Variants in DIAPH3 observed in about 807,000 individuals in gnomAD.
DIAPH3 encodes the protein protein diaphanous homolog 3.
A neutral mutation model predicts 144.3 loss-of-function variants in DIAPH3; 117 were observed. The observed-to-expected ratio is 0.81, with a 90% confidence interval of 0.70 to 0.95. DIAPH3 has a LOEUF of 0.95. Among genes scored for constraint, DIAPH3 ranks in the 40% least tolerant of loss-of-function variants. The probability of loss-of-function intolerance (pLI) is 0.00; values close to 1 mark genes in which losing one functional copy is unlikely to be tolerated. For missense variants in DIAPH3, 1,421 were observed against 1,412.7 expected (o/e 1.01, Z -0.09); for synonymous variants, 519 against 488.9 (o/e 1.06, Z -0.81).
At chr13:59,669,970 T>C (rs1197126684) in intron 27 of DIAPH3, among the ~76,000 whole-genome samples, 1 of 152,176 alleles carries the variant, frequency 6.6e-6, no homozygotes, top group Non-Finnish European at 1.5e-5. Context: ...TTGAATGTCT[T>C]AGTACTCCTT....
chr13:59,813,614 C>A (rs1271904419), intron 24 of DIAPH3, among the ~76,000 whole-genome samples: 1 of 151,884 alleles, frequency 6.6e-6, no homozygotes, highest in Admixed American at 6.6e-5. Context: ...CCAGCACTTT[C>A]GGAGGCCAAG....
At chr13:60,090,116 T>C (rs1480810975) in intron 4 of DIAPH3, among the ~76,000 whole-genome samples, 1 of 152,128 alleles carries the variant, frequency 6.6e-6, no homozygotes, top group Non-Finnish European at 1.5e-5. Context: ...TCTGGATCCT[T>C]TCATGAGGGA....
chr13:59,702,612 T>C (rs2034172441), intron 27 of DIAPH3, among the ~76,000 whole-genome samples: 1 of 152,200 alleles, frequency 6.6e-6, no homozygotes, highest in African/African-American at 2.4e-5. Flanking sequence ...TTTATTTTCT[T>C]ATTAACAGCA....
intron 25 of DIAPH3, among the ~76,000 whole-genome samples, chr13:59,779,885 G>A (rs1448379082): frequency 6.6e-6 from 1 of 152,088 alleles, no homozygotes; most frequent in African/African-American, 2.4e-5. Flanking sequence ...GAAAAACTCT[G>A]ACTTGAAGTA....
chr13:60,010,132 G>A (rs1395672268), intron 8 of DIAPH3, among the ~76,000 whole-genome samples: 1 of 151,878 alleles, frequency 6.6e-6, no homozygotes, highest in Admixed American at 6.6e-5. Flanking sequence ...TTTCCAAATC[G>A]TAATATGTTT....
intron 22 of DIAPH3, among the ~76,000 whole-genome samples, chr13:59,846,587 G>C (rs1047383666): frequency 5.3e-5 from 8 of 151,816 alleles, no homozygotes; most frequent in Non-Finnish European, 8.8e-5. Flanking sequence ...GTATGGACAA[G>C]GTGGTCCAAA....
chr13:59,845,614 T>C (rs1298618601), intron 22 of DIAPH3, among the ~76,000 whole-genome samples: 1 of 152,188 alleles, frequency 6.6e-6, no homozygotes, highest in East Asian at 1.9e-4. Context: ...CCCCTGCCCA[T>C]ATCCCTCTTC....
intron 9 of DIAPH3, among the ~76,000 whole-genome samples, chr13:60,000,605 T>C (rs946861652): frequency 1.1e-4 from 16 of 152,264 alleles, no homozygotes; most frequent in African/African-American, 3.9e-4. Flanking sequence ...GAACCCTGAA[T>C]GAAATTAAGT....
intron 22 of DIAPH3, among the ~76,000 whole-genome samples, chr13:59,847,884 G>C (rs531242150): frequency 1.3e-5 from 2 of 152,086 alleles, no homozygotes; most frequent in Non-Finnish European, 2.9e-5. Context: ...TGGCCTATTT[G>C]GACATGTTTC....
intron 25 of DIAPH3, among the ~76,000 whole-genome samples, chr13:59,804,143 A>T (rs1293847201): frequency 1.3e-5 from 2 of 152,220 alleles, no homozygotes; most frequent in East Asian, 3.8e-4. Flanking sequence ...AACTATTCAG[A>T]ACATTGAAGA....
chr13:59,775,343 C>T (rs531516264), intron 25 of DIAPH3, among the ~76,000 whole-genome samples: 18 of 151,714 alleles, frequency 1.2e-4, no homozygotes, highest in Admixed American at 2.0e-4. Context: ...TCCAGGTTTA[C>T]GCCATCCTCC....
intron 5 of DIAPH3, among the ~76,000 whole-genome samples, chr13:60,040,226 C>CAAAAAAAAA (rs5803983): frequency 8.6e-5 from 3 of 34,836 alleles, no homozygotes; most frequent in Non-Finnish European, 1.4e-4. Context: ...GACTCCATCT[C>CAAAAAAAAA]AAAAAAAAAA....
chr13:59,723,877 T>A, intron 27 of DIAPH3, among the ~76,000 whole-genome samples: 1 of 149,130 alleles, frequency 6.7e-6, no homozygotes, highest in East Asian at 2.0e-4. Context: ...CCTCCCAAAG[T>A]GCTGGGATTA....
chr13:59,837,622 G>A (rs912348358), intron 23 of DIAPH3: 15 of 152,630 alleles, frequency 9.8e-5, no homozygotes, highest in African/African-American at 3.4e-4. Context: ...TGTCACATAT[G>A]AATATTTTAA....
At chr13:59,918,079 CA>C (rs1488762824) in intron 18 of DIAPH3, among the ~76,000 whole-genome samples, 1 of 150,706 alleles carries the variant, frequency 6.6e-6, no homozygotes, top group Non-Finnish European at 1.5e-5. Flanking sequence ...AAAATACCTT[CA>C]AAAGAGAGAA....
chr13:59,892,124 A>C (rs1333969847), intron 20 of DIAPH3, among the ~76,000 whole-genome samples: 1 of 152,006 alleles, frequency 6.6e-6, no homozygotes, highest in Admixed American at 6.6e-5. Flanking sequence ...ACAACAAACA[A>C]ATCAGATCAT....
chr13:60,163,886 G>C lies in DIAPH3; in HGVS notation c.-120C>G. Reference sequence around the variant, plus strand: ...GTCCGCCACCCAAACAGTCAGCACAGCCTAGCCCAACCGCTGAAGTCGGGG... The same window carrying C: ...GTCCGCCACCCAAACAGTCAGCACACCCTAGCCCAACCGCTGAAGTCGGGG... On this transcript the variant is annotated 5_prime_UTR_variant, in exon 1 of 28. Coordinates refer to ENST00000400324, the MANE Select transcript of DIAPH3 (RefSeq NM_001042517.2). 2 of 1,289,508 alleles carry C rather than the reference G, an allele frequency of 1.6e-6. No homozygotes were observed. Among genetic ancestry groups the C allele is most frequent in the Non-Finnish European group, 2.1e-6 (2 of 955,932 alleles). 79.9% of individuals were successfully genotyped at this position (1,289,508 alleles called of 1,614,324 possible). A position where few individuals can be genotyped will look rare whatever the true frequency, so the allele number is the denominator to read the frequency against.
intron 25 of DIAPH3, among the ~76,000 whole-genome samples, chr13:59,794,319 G>T (rs1170824206): frequency 1.3e-5 from 2 of 152,006 alleles, no homozygotes; most frequent in African/African-American, 4.8e-5. Context: ...ACCTCTTATT[G>T]TGTCCCTTAT....
intron 17 of DIAPH3, among the ~76,000 whole-genome samples, chr13:59,945,451 C>T (rs2048749884): frequency 6.6e-6 from 1 of 152,142 alleles, no homozygotes; most frequent in Non-Finnish European, 1.5e-5. Flanking sequence ...TTATTTGCTG[C>T]TTGGCTGAAT....
Sources: gnomAD v4.1 joint callset for allele counts (sites outside exome capture counted in the v4.1 genomes callset) on GRCh38, gnomAD v4.1.1 for gene constraint, MANE v1.5 for transcripts, NCBI Gene and HGNC (gene_info 2026-07-23, HGNC 2026-07-21) for gene names.